Variants in ELOC observed in about 807,000 individuals in gnomAD.
ELOC encodes the protein elongin C.
For synonymous variants in ELOC, 40 were observed against 51.3 expected (o/e 0.78, Z 0.94); for missense variants, 38 against 139.0 (o/e 0.27, Z 3.65).
intron 1 of ELOC, among the ~76,000 whole-genome samples, chr8:73,966,142 A>G (rs1171072229): frequency 6.6e-6 from 1 of 152,202 alleles, no homozygotes; most frequent in Non-Finnish European, 1.5e-5. Flanking sequence ...AGGATGCTAG[A>G]TGCTCACCTA....
At position 73,956,074 on chromosome 8, in the gene ELOC, G is replaced by A. The variant is rs1413613480; in HGVS notation, c.5-20C>T. 5 of 1,604,014 alleles carry A rather than the reference G, an allele frequency of 3.1e-6. No individual in the cohort carries two copies. The South Asian group carries it at 5.5e-5, about 18-fold the overall frequency. On this transcript the variant is annotated intron_variant, in intron 2 of 3. Transcript: ENST00000520242. ...CTCCATCTAAAGTAAAGTAAGTAGT[G>A]AAACAATTTTTGAGTCACACAGTGT...
intron 1 of ELOC, chr8:73,971,781 T>C (rs1815423741): frequency 2.0e-5 from 3 of 152,288 alleles, no homozygotes; most frequent in Non-Finnish European, 4.4e-5. Flanking sequence ...AGGGCTACCA[T>C]GCTCCTAACT....
chr8:73,954,570 T>C (rs1231952853), intron 3 of ELOC, among the ~76,000 whole-genome samples: 3 of 150,654 alleles, frequency 2.0e-5, no homozygotes, highest in African/African-American at 7.3e-5. Context: ...GAGAATCACT[T>C]GAACCCGGGA....
At chr8:73,957,617 A>C (rs547919819) in intron 2 of ELOC, among the ~76,000 whole-genome samples, 1 of 152,300 alleles carries the variant, frequency 6.6e-6, no homozygotes, top group Non-Finnish European at 1.5e-5. Flanking sequence ...CCACTGCCAA[A>C]AATGTTTAAT....
At chr8:73,953,876 AATT>A (rs1813953417) in intron 3 of ELOC, among the ~76,000 whole-genome samples, 1 of 152,206 alleles carries the variant, frequency 6.6e-6, no homozygotes, top group African/African-American at 2.4e-5. Flanking sequence ...GTATTCAAAC[AATT>A]ATTTGTACAC....
chr8:73,963,168 G>C (rs1403323842), intron 1 of ELOC, among the ~76,000 whole-genome samples: 1 of 151,904 alleles, frequency 6.6e-6, no homozygotes, highest in Non-Finnish European at 1.5e-5. Flanking sequence ...TTTTGTGTAT[G>C]TTTGTGTTTA....
intron 2 of ELOC, among the ~76,000 whole-genome samples, chr8:73,957,024 T>C (rs894304842): frequency 1.3e-5 from 2 of 151,784 alleles, no homozygotes; most frequent in African/African-American, 4.8e-5. Context: ...ACAAAAAAAA[T>C]TAGCTGGGCG....
rs1360615831 is a variant in ELOC at position 73,945,622 on chromosome 8, A to C, written c.*1008T>G. 4 of 152,228 alleles carry C rather than the reference A, an allele frequency of 2.6e-5. No individual in the cohort carries two copies. 9.4% of individuals were successfully genotyped at this position (152,228 alleles called of 1,614,324 possible). A position where few individuals can be genotyped will look rare whatever the true frequency, so the allele number is the denominator to read the frequency against. On this transcript the variant is annotated 3_prime_UTR_variant, in exon 4 of 4. Coordinates refer to ENST00000520242, the MANE Select transcript of ELOC (RefSeq NM_005648.4). ...GCTGAATGAGCTTGATTTCAGTAGA[A>C]GACCCACTGATTATGGGTATATTTA...
chr8:73,971,491 A>G, intron 1 of ELOC, among the ~76,000 whole-genome samples: 1 of 152,156 alleles, frequency 6.6e-6, no homozygotes, highest in Non-Finnish European at 1.5e-5. Flanking sequence ...CTCCACAGTT[A>G]TATGTTACTT....
chr8:73,955,820 CT>C, intron 3 of ELOC, 90 bp downstream of exon 3: 4 of 1,343,190 alleles, frequency 3.0e-6, no homozygotes, highest in Non-Finnish European at 4.1e-6. Flanking sequence ...GACTTATTTT[CT>C]CTTTAAATGC....
At chr8:73,956,975 T>A (rs1173894758) in intron 2 of ELOC, among the ~76,000 whole-genome samples, 1 of 151,228 alleles carries the variant, frequency 6.6e-6, no homozygotes, top group East Asian at 1.9e-4. Context: ...ATCGAGACCA[T>A]CCTGGCTAAC....
At chr8:73,951,622 T>C (rs1464132845) in intron 3 of ELOC, among the ~76,000 whole-genome samples, 1 of 148,492 alleles carries the variant, frequency 6.7e-6, no homozygotes, top group Non-Finnish European at 1.5e-5. Flanking sequence ...AGACCCTATC[T>C]CAAAAACAAA....
intron 3 of ELOC, among the ~76,000 whole-genome samples, chr8:73,954,976 G>A (rs575239845): frequency 6.9e-6 from 1 of 144,756 alleles, no homozygotes; most frequent in East Asian, 2.1e-4. Flanking sequence ...GGAGGTTGCA[G>A]TGAGCCGAGA....
At chr8:73,968,369 T>TA (rs1245048389) in intron 1 of ELOC, among the ~76,000 whole-genome samples, 2 of 152,162 alleles carry the variant, frequency 1.3e-5, no homozygotes, top group African/African-American at 4.8e-5. Context: ...ACACAGAACT[T>TA]AAGGGCTGCA....
At chr8:73,959,861 G>A (rs542725559) in intron 1 of ELOC, 43 bp from the exon 2 acceptor site, 3 of 1,115,048 alleles carry the variant, frequency 2.7e-6, no homozygotes, top group South Asian at 3.7e-5. Flanking sequence ...TGTTGCAAGA[G>A]ACAAGTTTTC....
intron 1 of ELOC, among the ~76,000 whole-genome samples, chr8:73,971,047 A>G (rs1402935319): frequency 5.4e-5 from 8 of 147,952 alleles, no homozygotes; most frequent in Non-Finnish European, 8.9e-5. Context: ...AAAAAAAAAA[A>G]AAAAGAAAAA....
intron 1 of ELOC, among the ~76,000 whole-genome samples, chr8:73,963,988 G>C (rs928455761): frequency 1.7e-4 from 25 of 151,224 alleles, no homozygotes; most frequent in African/African-American, 5.8e-4. Context: ...AGCTACTCGG[G>C]AGGCTGAGGC....
At chr8:73,955,243 C>T (rs557609069) in intron 3 of ELOC, among the ~76,000 whole-genome samples, 13 of 152,036 alleles carry the variant, frequency 8.6e-5, no homozygotes, top group Non-Finnish European at 1.5e-4. Context: ...CTGAGGCAGG[C>T]GGATCACCTG....
intron 3 of ELOC, among the ~76,000 whole-genome samples, chr8:73,955,035 GAAAA>G (rs34453392): frequency 1.6e-5 from 1 of 62,992 alleles, no homozygotes. Context: ...CTCCATCTCG[GAAAA>G]AAAAAAAAAA....
Sources: gnomAD v4.1 joint callset for allele counts (sites outside exome capture counted in the v4.1 genomes callset) on GRCh38, gnomAD v4.1.1 for gene constraint, MANE v1.5 for transcripts, NCBI Gene and HGNC (gene_info 2026-07-23, HGNC 2026-07-21) for gene names.